The following PCDHA6 variants were observed in gnomAD, a reference collection of about 807,000 sequenced individuals.
The protein encoded by PCDHA6 is protocadherin alpha-6.
A neutral mutation model predicts 60.3 loss-of-function variants in PCDHA6; 55 were observed. That is an observed-to-expected ratio of 0.91 (90% CI 0.73 to 1.14). PCDHA6 has a LOEUF of 1.14. Ranked by LOEUF, PCDHA6 falls within the 50% of genes most tolerant of loss-of-function variation. The probability of loss-of-function intolerance (pLI) is 0.00; values close to 1 mark genes in which losing one functional copy is unlikely to be tolerated. For missense variants in PCDHA6, 1,327 were observed against 1,256.5 expected, an observed-to-expected ratio of 1.06 and a Z score of -0.85; for synonymous variants, 652 against 557.9, an observed-to-expected ratio of 1.17 and a Z score of -2.38.
intron 1 of PCDHA6, among the ~76,000 whole-genome samples, chr5:140,955,453 C>T (rs1372474602): frequency 6.6e-6 from 1 of 152,012 alleles, no homozygotes; most frequent in Admixed American, 6.6e-5. Context: ...TTTATAAGGG[C>T]TTTTTCCTTT....
At chr5:140,873,592 T>G (rs936003894) in intron 1 of PCDHA6, among the ~76,000 whole-genome samples, 1 of 152,234 alleles carries the variant, frequency 6.6e-6, no homozygotes, top group African/African-American at 2.4e-5. Flanking sequence ...TAAGCTAAAC[T>G]TAGATGTTCC....
intron 1 of PCDHA6, among the ~76,000 whole-genome samples, chr5:140,840,523 A>T (rs1554137815): frequency 6.6e-6 from 1 of 152,058 alleles, no homozygotes; most frequent in Non-Finnish European, 1.5e-5. Context: ...CAGAAGAAAG[A>T]TGAAGAACTA....
At chr5:140,910,037 C>G (rs1290917830) in intron 1 of PCDHA6, among the ~76,000 whole-genome samples, 1 of 152,198 alleles carries the variant, frequency 6.6e-6, no homozygotes, top group Non-Finnish European at 1.5e-5. Context: ...ATAAATCCCA[C>G]TTGGTCATAA....
At chr5:140,927,147 G>T (rs1554204095) in intron 1 of PCDHA6, 5 of 1,614,162 alleles carry the variant, frequency 3.1e-6, no homozygotes, top group Non-Finnish European at 4.2e-6. Context: ...ACCGCGAACA[G>T]CTGTGCAGGG....
intron 1 of PCDHA6, among the ~76,000 whole-genome samples, chr5:140,833,300 C>T (rs1475529719): frequency 1.3e-5 from 2 of 152,266 alleles, no homozygotes; most frequent in Admixed American, 6.5e-5. Context: ...TGAATACAGA[C>T]ATAATTATTT....
intron 1 of PCDHA6, among the ~76,000 whole-genome samples, chr5:140,918,353 C>T (rs557694814): frequency 4.6e-5 from 7 of 152,236 alleles, no homozygotes; most frequent in African/African-American, 1.7e-4. Context: ...AGGTTGACTT[C>T]CTCTCTGCCT....
intron 1 of PCDHA6, chr5:140,966,279 G>C (rs1429727504): frequency 3.3e-5 from 12 of 364,508 alleles, no homozygotes; most frequent in Non-Finnish European, 4.9e-5. Context: ...ACTGGACAGT[G>C]GGGGTAGGGA....
In PCDHA6 at chr5:140,828,247, G is replaced by T. The variant is rs2150153072; in HGVS notation, c.156G>T (p.Leu52=). 9 of 1,613,862 alleles carry T rather than the reference G, an allele frequency of 5.6e-6. No individual in the cohort carries two copies. The South Asian group carries it at 9.9e-5, about 18-fold the overall frequency. ...TCGTGGGCCGGATCGCGCAGGACCTGGGGCTGGAGCTGGCGGAGCTGGTGC... is the reference window on the plus strand; with the variant it reads ...TCGTGGGCCGGATCGCGCAGGACCTTGGGCTGGAGCTGGCGGAGCTGGTGC... The part of the protein sequence containing the change: ...GTFVGRIAQD[L]GLELAELVPR... Residue 52 remains leucine, a synonymous_variant, in exon 1 of 4, where the codon CTG becomes CTT. Coordinates refer to ENST00000529310, the MANE Select transcript of PCDHA6 (RefSeq NM_018909.4).
chr5:140,877,401 G>T (rs183471635), intron 1 of PCDHA6: 1 of 1,613,944 alleles, frequency 6.2e-7, no homozygotes, highest in East Asian at 2.2e-5. Flanking sequence ...CGGACGCTCC[G>T]CGCCACCGCC....
At chr5:140,913,021 A>G (rs548086979) in intron 1 of PCDHA6, among the ~76,000 whole-genome samples, 1 of 152,154 alleles carries the variant, frequency 6.6e-6, no homozygotes, top group South Asian at 2.1e-4. Context: ...TTTTGCATCA[A>G]TATTCATCAG....
At chr5:141,008,863 C>A (rs902385521) in intron 3 of PCDHA6, among the ~76,000 whole-genome samples, 2 of 152,204 alleles carry the variant, frequency 1.3e-5, no homozygotes, top group African/African-American at 2.4e-5. Flanking sequence ...CTCTTCCATG[C>A]TGCATCCCAC....
At chr5:140,873,064 T>A (rs1554166548) in intron 1 of PCDHA6, among the ~76,000 whole-genome samples, 1 of 152,186 alleles carries the variant, frequency 6.6e-6, no homozygotes, top group Non-Finnish European at 1.5e-5. Context: ...TTCTTGAGAA[T>A]CATATCTAGC....
chr5:140,851,291 C>A, intron 1 of PCDHA6: 1 of 1,030,836 alleles, frequency 9.7e-7, no homozygotes, highest in Non-Finnish European at 1.2e-6. Context: ...GAAACCCAAG[C>A]AAAAATATAT....
At chr5:140,967,562 C>T in intron 1 of PCDHA6, 1 of 1,614,064 alleles carries the variant, frequency 6.2e-7, no homozygotes, top group Non-Finnish European at 8.5e-7. Context: ...TCGCGTCCAG[C>T]TACGGGAGGA....
intron 1 of PCDHA6, chr5:140,967,413 A>C: frequency 6.2e-7 from 1 of 1,613,218 alleles, no homozygotes; most frequent in Non-Finnish European, 8.5e-7. Context: ...AAGGGCCTAG[A>C]CCGGGAGCAG....
chr5:140,848,357 T>A (rs2150409370), intron 1 of PCDHA6: 1 of 1,035,382 alleles, frequency 9.7e-7, no homozygotes, highest in Non-Finnish European at 1.4e-6. Flanking sequence ...CCTTTTCCCA[T>A]GGGAAAGAGG....
At chr5:140,888,972 G>A (rs900678700) in intron 1 of PCDHA6, among the ~76,000 whole-genome samples, 15 of 151,928 alleles carry the variant, frequency 9.9e-5, no homozygotes, top group Non-Finnish European at 4.4e-5. Context: ...TTAATGTGTT[G>A]AATTTATGAT....
chr5:140,950,668 T>C (rs185130303), intron 1 of PCDHA6, among the ~76,000 whole-genome samples: 5 of 152,238 alleles, frequency 3.3e-5, no homozygotes, highest in African/African-American at 9.6e-5. Flanking sequence ...TTATCAAACA[T>C]GTACATGTAT....
chr5:140,908,949 G>A (rs2074237561), intron 1 of PCDHA6, among the ~76,000 whole-genome samples: 1 of 152,144 alleles, frequency 6.6e-6, no homozygotes, highest in South Asian at 2.1e-4. Context: ...CTTCACCTTA[G>A]AAGGAATATC....
Sources: gnomAD v4.1 joint callset for allele counts (sites outside exome capture counted in the v4.1 genomes callset) on GRCh38, gnomAD v4.1.1 for gene constraint, MANE v1.5 for transcripts, NCBI Gene and HGNC (gene_info 2026-07-23, HGNC 2026-07-21) for gene names.